ADAMTSL1: variants seen among roughly 807,000 people sequenced by gnomAD.
ADAMTSL1 encodes the protein ADAMTS-like protein 1.
Under a neutral mutation model 201.8 loss-of-function variants are expected in ADAMTSL1, and 126 were observed. The observed-to-expected ratio is 0.62, with a 90% CI of 0.54 to 0.72. ADAMTSL1 has a LOEUF of 0.72. Ranked by LOEUF, ADAMTSL1 falls within the 30% of genes least tolerant of loss-of-function variation. The pLI, the probability that ADAMTSL1 is intolerant of heterozygous loss-of-function variation, is 0.00. For synonymous variants in ADAMTSL1, 1,121 were observed against 903.4 expected, an observed-to-expected ratio of 1.24 and a Z score of -4.32; for missense variants, 2,679 against 2,277.8, an observed-to-expected ratio of 1.18 and a Z score of -3.59.
At chr9:18,305,468 C>T (rs886616937) in intron 2 of ADAMTSL1, among the ~76,000 whole-genome samples, 2 of 152,194 alleles carry the variant, frequency 1.3e-5, no homozygotes, top group East Asian at 1.9e-4. Flanking sequence ...TTGAAATTCT[C>T]GCTGCCAGCA....
chr9:18,017,099 A>G (rs66807314), intron 1 of ADAMTSL1, among the ~76,000 whole-genome samples: 8,535 of 152,126 alleles, frequency 0.056, 272 homozygotes, highest in African/African-American at 0.082. Flanking sequence ...GATTCCAGAT[A>G]GATCAGATTT....
At chr9:18,763,342 T>C (rs561072937) in intron 16 of ADAMTSL1, among the ~76,000 whole-genome samples, 1 of 152,292 alleles carries the variant, frequency 6.6e-6, no homozygotes, top group African/African-American at 2.4e-5. Flanking sequence ...GCCCATCTTT[T>C]GATTATTAGA....
chr9:18,249,671 T>C (rs190310113), intron 2 of ADAMTSL1, among the ~76,000 whole-genome samples: 14 of 152,358 alleles, frequency 9.2e-5, no homozygotes, highest in Admixed American at 3.3e-4. Context: ...TAAGGCCCTG[T>C]GAATCAAGAG....
At chr9:18,138,196 A>G (rs1333050575) in intron 1 of ADAMTSL1, among the ~76,000 whole-genome samples, 2 of 152,170 alleles carry the variant, frequency 1.3e-5, no homozygotes, top group East Asian at 3.8e-4. Context: ...GTATTAAATG[A>G]GGCAATATGT....
intron 15 of ADAMTSL1, among the ~76,000 whole-genome samples, chr9:18,728,457 C>T (rs879088142): frequency 6.6e-6 from 1 of 151,700 alleles, no homozygotes; most frequent in Admixed American, 6.6e-5. Context: ...CATCCCAATT[C>T]AGAGAAAAAA....
At chr9:18,060,091 T>C (rs1441909447) in intron 1 of ADAMTSL1, among the ~76,000 whole-genome samples, 1 of 152,172 alleles carries the variant, frequency 6.6e-6, no homozygotes, top group African/African-American at 2.4e-5. Flanking sequence ...GACTTACCTA[T>C]CCTTCCAGAG....
At chr9:18,153,021 T>A (rs969738854) in intron 1 of ADAMTSL1, among the ~76,000 whole-genome samples, 1 of 148,474 alleles carries the variant, frequency 6.7e-6, no homozygotes, top group Admixed American at 6.9e-5. Flanking sequence ...TCCCTACCAG[T>A]GTTTATGATC....
At chr9:18,526,556 T>C (rs1471066105) in intron 2 of ADAMTSL1, among the ~76,000 whole-genome samples, 3 of 152,258 alleles carry the variant, frequency 2.0e-5, no homozygotes, top group Non-Finnish European at 4.4e-5. Flanking sequence ...CAATTTGGCA[T>C]GTTTTTGCAG....
chr9:18,654,056 C>T (rs1487557321), intron 7 of ADAMTSL1, among the ~76,000 whole-genome samples: 2 of 152,220 alleles, frequency 1.3e-5, no homozygotes, highest in African/African-American at 2.4e-5. Context: ...GGCAAAACCT[C>T]GTCTCTACTA....
intron 1 of ADAMTSL1, among the ~76,000 whole-genome samples, chr9:18,022,891 C>G (rs890814687): frequency 6.6e-6 from 1 of 152,034 alleles, no homozygotes; most frequent in Non-Finnish European, 1.5e-5. Flanking sequence ...TATCATGTTG[C>G]CTAGGTAAGA....
At chr9:18,569,358 G>A (rs756918359) in intron 3 of ADAMTSL1, among the ~76,000 whole-genome samples, 3 of 152,128 alleles carry the variant, frequency 2.0e-5, no homozygotes, top group South Asian at 2.1e-4. Flanking sequence ...CTTAAAACTC[G>A]GGGAGAGAAA....
At chr9:18,547,860 A>G (rs1237514349) in intron 3 of ADAMTSL1, among the ~76,000 whole-genome samples, 2 of 151,910 alleles carry the variant, frequency 1.3e-5, no homozygotes, top group African/African-American at 4.8e-5. Context: ...GGCCATGTGA[A>G]CCGTATGGAG....
chr9:18,323,242 T>A (rs1459242511), intron 2 of ADAMTSL1, among the ~76,000 whole-genome samples: 1 of 152,074 alleles, frequency 6.6e-6, no homozygotes, highest in Non-Finnish European at 1.5e-5. Context: ...CATTTGAAAA[T>A]CAATCAATGT....
chr9:18,315,703 C>T (rs910889383), intron 2 of ADAMTSL1, among the ~76,000 whole-genome samples: 5 of 152,142 alleles, frequency 3.3e-5, no homozygotes, highest in African/African-American at 4.8e-5. Context: ...TTCCCGCCCG[C>T]GCCTCTCCCT....
chr9:18,378,015 T>G (rs1837380910), intron 2 of ADAMTSL1, among the ~76,000 whole-genome samples: 1 of 152,330 alleles, frequency 6.6e-6, no homozygotes, highest in African/African-American at 2.4e-5. Context: ...GTTTTGGCAC[T>G]TCACCTTCGA....
At chr9:18,200,846 G>A (rs1284852776) in intron 2 of ADAMTSL1, among the ~76,000 whole-genome samples, 1 of 151,692 alleles carries the variant, frequency 6.6e-6, no homozygotes, top group East Asian at 1.9e-4. Context: ...AACAAAATAG[G>A]ATAACTAATT....
At chr9:18,362,729 T>C (rs1836584430) in intron 2 of ADAMTSL1, among the ~76,000 whole-genome samples, 1 of 152,222 alleles carries the variant, frequency 6.6e-6, no homozygotes, top group South Asian at 2.1e-4. Context: ...CTTCTCTGAA[T>C]GAGTCTTTCA....
chr9:18,554,669 GTT>G (rs71494961), intron 3 of ADAMTSL1, among the ~76,000 whole-genome samples: 242 of 148,236 alleles, frequency 1.6e-3, no homozygotes, highest in Middle Eastern at 7.1e-3. Context: ...GATCTGAGTG[GTT>G]TTTTTTTTTT....
chr9:18,682,779 C>T (rs1320852656), intron 12 of ADAMTSL1, among the ~76,000 whole-genome samples: 2 of 152,120 alleles, frequency 1.3e-5, no homozygotes, highest in East Asian at 1.9e-4. Flanking sequence ...CTTTATTATA[C>T]TATAGGTGGC....
Sources: allele counts gnomAD v4.1 joint callset (sites outside exome capture counted in the v4.1 genomes callset), GRCh38; gene constraint gnomAD v4.1.1; transcripts MANE v1.5; gene names NCBI Gene and HGNC (gene_info 2026-07-23, HGNC 2026-07-21).